FAM135A: variants seen among roughly 807,000 people sequenced by gnomAD.
FAM135A encodes family with sequence similarity 135 member A.
A neutral mutation model predicts 146.8 loss-of-function variants in FAM135A; 79 were observed. That is an observed-to-expected ratio of 0.54 (90% CI 0.45 to 0.65). The LOEUF (loss-of-function observed/expected upper bound fraction) is 0.65. Among genes scored for constraint, FAM135A ranks in the 30% least tolerant of loss-of-function variants. The pLI is 0.00. For synonymous variants in FAM135A, 562 were observed against 603.6 expected (o/e 0.93, Z 1.01); for missense variants, 1,623 against 1,758.2 (o/e 0.92, Z 1.38).
intron 4 of FAM135A, among the ~76,000 whole-genome samples, chr6:70,431,505 T>C (rs1370524161): frequency 6.6e-6 from 1 of 152,158 alleles, no homozygotes; most frequent in South Asian, 2.1e-4. Flanking sequence ...TCATATCATC[T>C]AGGCTTGGAA....
At chr6:70,543,150 CA>C (rs1451548608) in intron 20 of FAM135A, among the ~76,000 whole-genome samples, 1 of 152,062 alleles carries the variant, frequency 6.6e-6, no homozygotes, top group Admixed American at 6.6e-5. Flanking sequence ...TATTCAAAAA[CA>C]GTTTAAATAT....
chr6:70,442,075 T>C (rs1374947536), intron 4 of FAM135A, among the ~76,000 whole-genome samples: 1 of 152,182 alleles, frequency 6.6e-6, no homozygotes, highest in Non-Finnish European at 1.5e-5. Context: ...TTTTTTAATT[T>C]TATGTTTGTG....
chr6:70,536,744 A>G (rs917775911), intron 19 of FAM135A, among the ~76,000 whole-genome samples: 2 of 152,116 alleles, frequency 1.3e-5, no homozygotes, highest in Admixed American at 1.3e-4. Context: ...AAACACCTAC[A>G]TTTAATACAT....
chr6:70,497,589 A>G (rs569207836), intron 11 of FAM135A, among the ~76,000 whole-genome samples: 1 of 152,320 alleles, frequency 6.6e-6, no homozygotes, highest in Admixed American at 6.5e-5. Flanking sequence ...TTCAAAGGGA[A>G]TGCTTCCAGC....
intron 10 of FAM135A, among the ~76,000 whole-genome samples, chr6:70,484,222 G>A (rs1177817278): frequency 6.6e-6 from 1 of 152,128 alleles, no homozygotes; most frequent in Non-Finnish European, 1.5e-5. Context: ...TCAGCATTGG[G>A]ATGGGAAGGA....
At chr6:70,553,715 T>C (rs1046374458) in intron 20 of FAM135A, among the ~76,000 whole-genome samples, 5 of 152,040 alleles carry the variant, frequency 3.3e-5, no homozygotes, top group African/African-American at 9.7e-5. Context: ...CAGATATAAA[T>C]TTAAAATTCT....
chr6:70,425,390 C>G (rs912002212), intron 2 of FAM135A, among the ~76,000 whole-genome samples: 1 of 152,062 alleles, frequency 6.6e-6, no homozygotes, highest in African/African-American at 2.4e-5. Flanking sequence ...ACATCATTTC[C>G]ACAAAATGGG....
At chr6:70,442,263 G>A (rs1471072020) in intron 4 of FAM135A, among the ~76,000 whole-genome samples, 2 of 129,612 alleles carry the variant, frequency 1.5e-5, no homozygotes, top group African/African-American at 6.3e-5. Flanking sequence ...TTTTTGCCGA[G>A]ATATATCCCG....
intron 2 of FAM135A, among the ~76,000 whole-genome samples, chr6:70,415,853 G>A (rs1767438002): frequency 6.6e-6 from 1 of 152,084 alleles, no homozygotes; most frequent in Admixed American, 6.5e-5. Context: ...CACTTAACCT[G>A]TGTATCTCAG....
At chr6:70,508,591 G>A (rs1431662206) in intron 12 of FAM135A, among the ~76,000 whole-genome samples, 2 of 152,148 alleles carry the variant, frequency 1.3e-5, no homozygotes, top group African/African-American at 2.4e-5. Flanking sequence ...TGCTAGCATT[G>A]CTGCCCTAAC....
chr6:70,534,720 A>G (rs1289951427), intron 18 of FAM135A, among the ~76,000 whole-genome samples: 1 of 152,216 alleles, frequency 6.6e-6, no homozygotes, highest in Non-Finnish European at 1.5e-5. Context: ...TAATAGATGT[A>G]GGAGAGAAGA....
At chr6:70,467,736 C>G (rs73476900) in intron 5 of FAM135A, among the ~76,000 whole-genome samples, 6,492 of 151,832 alleles carry the variant, frequency 0.043, 299 homozygotes, top group African/African-American at 0.1. Context: ...TCTCTCCTTC[C>G]CTCTCTCTCA....
chr6:70,505,372 T>C (rs1789525277), intron 12 of FAM135A, among the ~76,000 whole-genome samples: 1 of 152,182 alleles, frequency 6.6e-6, no homozygotes, highest in Non-Finnish European at 1.5e-5. Context: ...TCAGTTTTCA[T>C]GTTCCTTTAC....
At chr6:70,432,152 C>T (rs951816217) in intron 4 of FAM135A, among the ~76,000 whole-genome samples, 1 of 152,020 alleles carries the variant, frequency 6.6e-6, no homozygotes, top group Non-Finnish European at 1.5e-5. Flanking sequence ...ACTTAATATT[C>T]ACAAACACAT....
rs376176950 is a variant in FAM135A, at chr6:70,502,739, C to T, written c.977C>T (p.Thr326Met). 79 of 1,612,646 alleles carry T rather than the reference C, an allele frequency of 4.9e-5. No homozygotes were observed. The highest frequency in any genetic ancestry group is 2.5e-4 in the East Asian group (11 of 44,776). Reference protein sequence around the residue: ...ALWGQFLEVITLHEELRILLA... With the variant: ...ALWGQFLEVIMLHEELRILLA... Reference sequence around the variant, plus strand: ...TGGGGACAGTTTCTGGAAGTTATAACGCTACACGAAGAACTAAGAATATTA... The same window carrying T: ...TGGGGACAGTTTCTGGAAGTTATAATGCTACACGAAGAACTAAGAATATTA... The change falls in exon 12 of 22, where the codon ACG (threonine) becomes ATG (methionine). Residue 326 changes from threonine (T) to methionine (M), a missense_variant. By Grantham distance (81) the Thr-to-Met change is moderately conservative (BLOSUM62 -1). Coordinates refer to ENST00000418814, the MANE Select transcript of FAM135A (RefSeq NM_001162529.3).
At position 70,475,484 on chromosome 6, in the gene FAM135A, A is replaced by G; in HGVS notation, c.232A>G (p.Asn78Asp). 1 of 1,606,860 alleles carries G rather than the reference A, an allele frequency of 6.2e-7. No homozygotes were observed. The highest frequency in any genetic ancestry group is 8.5e-7 in the Non-Finnish European group (1 of 1,177,472). ...TAAAACATTTCAAATTTTGTACAAA[A>G]ATGAAGAGGTTGTTTTAAATGATGT... The part of the protein sequence containing the change: ...CSKTFQILYK[N>D]EEVVLNDVMI... Residue 78 changes from asparagine (N) to aspartate (D), a missense_variant, in exon 6 of 22, where the codon AAT (asparagine) becomes GAT (aspartate). Around this residue, in one of 7 missense-constraint regions of FAM135A, gnomAD observed 171 missense variants for 164.9 expected, o/e 1.04. Transcript: ENST00000418814.
chr6:70,501,274 T>G (rs1788439672), intron 11 of FAM135A, among the ~76,000 whole-genome samples: 1 of 152,136 alleles, frequency 6.6e-6, no homozygotes, highest in Admixed American at 6.5e-5. Context: ...AGTCTAAACC[T>G]TCCAGCCTCC....
rs995677215 is a variant in FAM135A, at chr6:70,542,318, G to A, written c.4228+3917G>A. Among the ~76,000 whole-genome samples the A allele has an allele frequency of 4.7e-5, 7 of 150,462 alleles. No homozygotes were observed. In the Admixed American group the frequency reaches 4.7e-4, roughly 10 times the overall value. On this transcript the variant is annotated intron_variant, in intron 20 of 21. Transcript: ENST00000418814. ...TGCTATTCATGGTTTTTGATTGCTT[G>A]CATTTTCTCATGCTTTTTGTATCAC...
chr6:70,434,597 G>A (rs897186647), intron 4 of FAM135A, among the ~76,000 whole-genome samples: 9 of 152,158 alleles, frequency 5.9e-5, no homozygotes, highest in Non-Finnish European at 1.3e-4. Flanking sequence ...AAATGCACCC[G>A]TCTGTGTACC....
Sources: gnomAD v4.1 joint callset for allele counts (sites outside exome capture counted in the v4.1 genomes callset) on GRCh38, gnomAD v4.1.1 for gene constraint, gnomAD v4.1.1 regional missense constraint, MANE v1.5 for transcripts, NCBI Gene and HGNC (gene_info 2026-07-23, HGNC 2026-07-21) for gene names.